The following GRIN2D variants were observed in gnomAD, a reference collection of about 807,000 sequenced individuals.
The protein encoded by GRIN2D is glutamate receptor ionotropic, NMDA 2D.
A neutral mutation model predicts 103.2 loss-of-function variants in GRIN2D; 37 were observed. The observed-to-expected ratio is 0.36, with a 90% CI of 0.28 to 0.47. The LOEUF is 0.47. Among genes scored for constraint, GRIN2D ranks in the 20% least tolerant of loss-of-function variants. GRIN2D has a pLI of 1.00. For missense variants in GRIN2D, 1,557 were observed against 1,910.6 expected (o/e 0.81, Z 3.45); for synonymous variants, 845 against 885.6 (o/e 0.95, Z 0.81).
intron 4 of GRIN2D, among the ~76,000 whole-genome samples, chr19:48,413,390 G>T (rs1970900012): frequency 6.6e-6 from 1 of 151,116 alleles, no homozygotes; most frequent in African/African-American, 2.4e-5. Context: ...TGAGGCAGGA[G>T]GATTGCTTGA....
At chr19:48,404,285 T>C (rs1053842714) in intron 3 of GRIN2D, among the ~76,000 whole-genome samples, 4 of 148,214 alleles carry the variant, frequency 2.7e-5, no homozygotes, top group African/African-American at 1.0e-4. Context: ...TGATTGGAGG[T>C]GGCTTTCCTC....
intron 2 of GRIN2D, among the ~76,000 whole-genome samples, chr19:48,397,864 T>C (rs1380471375): frequency 6.6e-6 from 1 of 151,540 alleles, no homozygotes; most frequent in East Asian, 2.0e-4. Flanking sequence ...CTCTTACCTC[T>C]GTATCTTCCC....
In GRIN2D at chr19:48,414,699, G is replaced by A. The variant is rs1970920140; in HGVS notation, c.1412+115G>A. 1 of 1,263,830 alleles carries A rather than the reference G, an allele frequency of 7.9e-7. No individual in the cohort carries two copies. The highest frequency in any genetic ancestry group is 1.5e-5 in the African/African-American group (1 of 66,774). 78.3% of individuals were successfully genotyped at this position (1,263,830 alleles called of 1,614,324 possible). ...GACCCAGGACCCACAAAGCCCTCCA[G>A]CTTGGTGACCTTAGGCAAACCTCAG... is the stretch of plus-strand genomic sequence containing the variant. On this transcript the variant is annotated intron_variant, in intron 6 of 13. Transcript: ENST00000263269. This position sits in a 1 kb window ranked among gnomAD's most constrained non-coding sequence, Gnocchi z 4.6.
At chr19:48,398,971 G>A in intron 3 of GRIN2D, 114 bp downstream of exon 3, 1 of 1,009,436 alleles carries the variant, frequency 9.9e-7, no homozygotes, top group South Asian at 2.7e-5. Flanking sequence ...ACTGTCCTGT[G>A]GGTCCGAGTC....
chr19:48,435,781 C>G (rs528062304), intron 11 of GRIN2D, among the ~76,000 whole-genome samples: 4 of 152,356 alleles, frequency 2.6e-5, no homozygotes, highest in Non-Finnish European at 5.9e-5. Flanking sequence ...CTAGTGTGTG[C>G]TAGGCACTGT....
intron 4 of GRIN2D, among the ~76,000 whole-genome samples, chr19:48,409,274 C>CT (rs67673123): frequency 0.033 from 3,409 of 103,742 alleles, 184 homozygotes; most frequent in African/African-American, 0.095. Flanking sequence ...AATTAAATTT[C>CT]TTTTTTTTTT....
Position 48,443,044 on chromosome 19 carries a change from G to A in GRIN2D, c.3118G>A (p.Ala1040Thr), listed in dbSNP as rs1193365490. The A allele has an allele frequency of 1.1e-5, 11 of 1,037,486 alleles. No homozygotes were observed. Among genetic ancestry groups the A allele is most frequent in the South Asian group, 4.3e-5 (1 of 23,204 alleles). The allele number at this position is 1,037,486 out of a possible 1,614,324, so 64.3% of individuals were successfully genotyped here. The change falls in exon 14 of 14, where the codon GCC becomes ACC. Residue 1040 changes from alanine to threonine, a missense_variant. Transcript: ENST00000263269. This position sits in a 1 kb window ranked among gnomAD's most constrained non-coding sequence, Gnocchi z 8.9. Reference sequence around the variant, plus strand: ...CGCGCCCCCCGCCGCCGCGGCCACCGCCGTCGGGCCGCCACTCTGCCGCTT... The same window carrying A: ...CGCGCCCCCCGCCGCCGCGGCCACCACCGTCGGGCCGCCACTCTGCCGCTT... ...PPAPPAAAAT[A>T]VGPPLCRLAF...
chr19:48,443,236 C>G lies in GRIN2D; in HGVS notation c.3310C>G (p.Pro1104Ala). 1 of 1,481,412 alleles carries G rather than the reference C, an allele frequency of 6.8e-7. No homozygotes were observed. Among genetic ancestry groups the G allele is most frequent in the Non-Finnish European group, 8.9e-7 (1 of 1,120,528 alleles). 91.8% of individuals were successfully genotyped at this position (1,481,412 alleles called of 1,614,324 possible). A position where few individuals can be genotyped will look rare whatever the true frequency, so the allele number is the denominator to read the frequency against. The change falls in exon 14 of 14, where the codon CCT becomes GCT. Residue 1104 changes from proline (P) to alanine (A), a missense_variant. Pro to Ala is a conservative substitution (Grantham distance 27). This residue lies in a region of GRIN2D where 632 missense variants were observed against 572.8 expected (regional missense o/e 1.10). Coordinates refer to ENST00000263269, the MANE Select transcript of GRIN2D (RefSeq NM_000836.4). The surrounding 1 kb of genome is among the most constrained non-coding windows in gnomAD (Gnocchi z 8.9). ...PPCRAAPPPCPYLDLEPSPSD... is the reference protein window; with the variant it reads ...PPCRAAPPPCAYLDLEPSPSD... ...GTGCCGCGCCGCGCCGCCCCCGTGC[C>G]CTTACCTCGATCTCGAGCCGTCGCC...
intron 4 of GRIN2D, among the ~76,000 whole-genome samples, chr19:48,408,129 T>C (rs1017657794): frequency 2.0e-5 from 3 of 151,348 alleles, no homozygotes; most frequent in Admixed American, 6.6e-5. Flanking sequence ...GGTCAGGAGA[T>C]CGAGACCATC....
chr19:48,398,990 G>C, intron 3 of GRIN2D, 133 bp downstream of exon 3: 1 of 863,388 alleles, frequency 1.2e-6, no homozygotes, highest in Non-Finnish European at 1.6e-6. Flanking sequence ...TCTGGGACAA[G>C]GTGGGCCCAG....
intron 11 of GRIN2D, among the ~76,000 whole-genome samples, chr19:48,441,456 T>C (rs1027760917): frequency 2.0e-5 from 3 of 151,904 alleles, no homozygotes; most frequent in Non-Finnish European, 4.4e-5. Flanking sequence ...GCTTTCCCTA[T>C]AGTCCCTGCT....
intron 4 of GRIN2D, among the ~76,000 whole-genome samples, chr19:48,412,362 T>C (rs913732867): frequency 2.3e-5 from 2 of 87,864 alleles, no homozygotes; most frequent in East Asian, 6.1e-4. Context: ...CATACATACA[T>C]AAAAATTTAA....
chr19:48,411,995 C>A (rs1351380875), intron 4 of GRIN2D, among the ~76,000 whole-genome samples: 1 of 151,134 alleles, frequency 6.6e-6, no homozygotes, highest in African/African-American at 2.4e-5. Flanking sequence ...GAGTTCAAGA[C>A]CAGCCTGGGA....
At position 48,416,061 on chromosome 19, in the gene GRIN2D, C is replaced by A. The variant is rs148340456; in HGVS notation, c.1641C>A (p.Ser547=). Reference sequence around the variant, plus strand: ...CCCTCACCATCAACGAGGAGCGCTCCGAGATCGTGGACTTCTCCGTCCCCT... The same window carrying A: ...CCCTCACCATCAACGAGGAGCGCTCAGAGATCGTGGACTTCTCCGTCCCCT... ...IGSLTINEER[S]EIVDFSVPFV... is the part of the protein sequence containing the mutation. The change falls in exon 8 of 14, where the codon TCC becomes TCA. Residue 547 remains serine, a synonymous_variant. Transcript: ENST00000263269. 1 of 1,613,870 alleles carries A rather than the reference C, an allele frequency of 6.2e-7. No homozygotes were observed. The highest frequency in any genetic ancestry group is 1.3e-5 in the African/African-American group (1 of 74,912).
At chr19:48,396,932 A>G (rs1970650582) in intron 2 of GRIN2D, among the ~76,000 whole-genome samples, 1 of 152,134 alleles carries the variant, frequency 6.6e-6, no homozygotes, top group African/African-American at 2.4e-5. Context: ...CCAGGAGTCC[A>G]GACTCCCAGT....
intron 11 of GRIN2D, among the ~76,000 whole-genome samples, chr19:48,430,980 C>A (rs1321181037): frequency 6.6e-6 from 1 of 151,976 alleles, no homozygotes; most frequent in Non-Finnish European, 1.5e-5. Context: ...CCACCACGCC[C>A]AGCTAATTTT....
intron 11 of GRIN2D, among the ~76,000 whole-genome samples, chr19:48,427,139 G>A (rs1037934858): frequency 6.6e-6 from 1 of 151,882 alleles, no homozygotes; most frequent in African/African-American, 2.4e-5. Context: ...GGCCAACATG[G>A]CGAAACCCTG....
In GRIN2D at chr19:48,393,912, G is replaced by T. The variant is rs1337390097; in HGVS notation, c.-306+44G>T. Reference sequence around the variant, plus strand: ...GGGTGTCTGGGGCTGGCTGGTGGAGGGGGGGTGTGTCTGTAAGCGCTGCGG... The same window carrying T: ...GGGTGTCTGGGGCTGGCTGGTGGAGTGGGGGTGTGTCTGTAAGCGCTGCGG... On this transcript the variant is annotated intron_variant, in intron 1 of 13. Coordinates refer to ENST00000263269, the MANE Select transcript of GRIN2D (RefSeq NM_000836.4). This position sits in a 1 kb window ranked among gnomAD's most constrained non-coding sequence, Gnocchi z 5.6. Among the ~76,000 whole-genome samples the T allele has an allele frequency of 6.6e-6, 1 of 152,054 alleles. No individual in the cohort carries two copies. Among genetic ancestry groups the T allele is most frequent in the African/African-American group, 2.4e-5 (1 of 41,402 alleles).
intron 11 of GRIN2D, among the ~76,000 whole-genome samples, chr19:48,426,083 C>T (rs1971081782): frequency 6.6e-6 from 1 of 152,186 alleles, no homozygotes; most frequent in Non-Finnish European, 1.5e-5. Context: ...TGCTGAATAC[C>T]GTTGAGTATA....
Sources: gnomAD v4.1 joint callset for allele counts (sites outside exome capture counted in the v4.1 genomes callset) on GRCh38, gnomAD v4.1.1 for gene constraint, gnomAD v4.1.1 regional missense constraint, Gnocchi (gnomAD v3.1) non-coding constraint, MANE v1.5 for transcripts, NCBI Gene and HGNC (gene_info 2026-07-23, HGNC 2026-07-21) for gene names.